Variants in SGCZ observed in about 807,000 individuals in gnomAD.
The protein encoded by SGCZ is zeta-sarcoglycan.
SGCZ carries 40 observed loss-of-function variants against 41.3 expected under a neutral mutation model. The observed-to-expected ratio is 0.97, with a 90% CI of 0.75 to 1.26. The LOEUF is 1.26. Ranked by LOEUF, SGCZ falls within the 50% of genes most tolerant of loss-of-function variation. The pLI is 0.00. For missense variants in SGCZ, 552 were observed against 369.8 expected (o/e 1.49, Z -4.04); for synonymous variants, 206 against 137.5 (o/e 1.50, Z -3.49).
chr8:14,560,168 A>G (rs1157971131), intron 1 of SGCZ, among the ~76,000 whole-genome samples: 1 of 152,078 alleles, frequency 6.6e-6, no homozygotes, highest in Non-Finnish European at 1.5e-5. Flanking sequence ...ATAGTTAACA[A>G]TAATTTATTG....
intron 1 of SGCZ, among the ~76,000 whole-genome samples, chr8:15,051,552 G>C (rs1300729608): frequency 6.6e-5 from 10 of 152,070 alleles, no homozygotes; most frequent in Non-Finnish European, 1.5e-4. Context: ...TGGAGTGCTA[G>C]GGTAGGTGTA....
At chr8:14,793,641 G>T (rs757390195) in intron 1 of SGCZ, among the ~76,000 whole-genome samples, 1 of 152,046 alleles carries the variant, frequency 6.6e-6, no homozygotes, top group African/African-American at 2.4e-5. Flanking sequence ...GTACACCCAG[G>T]AACTTTAGGA....
intron 1 of SGCZ, among the ~76,000 whole-genome samples, chr8:14,895,425 T>C (rs1805161796): frequency 1.3e-5 from 2 of 152,102 alleles, no homozygotes; most frequent in African/African-American, 4.8e-5. Flanking sequence ...TTGGGGGTGA[T>C]ACATAACATT....
chr8:14,107,327 C>G (rs1056224832), intron 6 of SGCZ, among the ~76,000 whole-genome samples: 1 of 151,334 alleles, frequency 6.6e-6, no homozygotes. Flanking sequence ...AATAATTATC[C>G]TGGGAAGAAT....
intron 1 of SGCZ, among the ~76,000 whole-genome samples, chr8:14,892,869 C>T (rs947155756): frequency 6.6e-6 from 1 of 152,104 alleles, no homozygotes; most frequent in African/African-American, 2.4e-5. Context: ...ATCTATCATT[C>T]TATGGTTCTA....
At chr8:14,853,373 A>C in intron 1 of SGCZ, 1 of 482,754 alleles carries the variant, frequency 2.1e-6, no homozygotes, top group Non-Finnish European at 4.5e-6. Flanking sequence ...CACCAAATGC[A>C]GTTCCCTTGG....
intron 1 of SGCZ, among the ~76,000 whole-genome samples, chr8:14,668,267 A>G (rs1807981863): frequency 6.6e-6 from 1 of 152,130 alleles, no homozygotes; most frequent in African/African-American, 2.4e-5. Flanking sequence ...GCCCAGATTT[A>G]TTTTTAAATG....
chr8:14,614,567 G>C lies in SGCZ; in HGVS notation c.40-59641C>G, dbSNP rs186805474. Among the ~76,000 whole-genome samples the C allele has an allele frequency of 7.9e-5, 12 of 152,172 alleles. No individual in the cohort carries two copies. The East Asian group carries it at 2.3e-3, about 29-fold the overall frequency. Reference sequence around the variant, plus strand: ...ATTTAATACTCTCCTTTTGTGAATAGTAGCTTGAACCATCAAAATTCAAAC... The same window carrying C: ...ATTTAATACTCTCCTTTTGTGAATACTAGCTTGAACCATCAAAATTCAAAC... On this transcript the variant is annotated intron_variant, in intron 1 of 7. Coordinates refer to ENST00000382080, the MANE Select transcript of SGCZ (RefSeq NM_139167.4).
At chr8:14,870,830 C>T (rs998573667) in intron 1 of SGCZ, among the ~76,000 whole-genome samples, 2 of 152,090 alleles carry the variant, frequency 1.3e-5, no homozygotes, top group Admixed American at 6.6e-5. Context: ...AAACAAGGCT[C>T]ATCATCACTG....
chr8:14,203,314 G>A (rs1383390166), intron 4 of SGCZ, among the ~76,000 whole-genome samples: 2 of 152,170 alleles, frequency 1.3e-5, no homozygotes, highest in Non-Finnish European at 2.9e-5. Context: ...CGAGAAGAGT[G>A]TAGGAGATCT....
chr8:14,887,087 G>T (rs1804836996), intron 1 of SGCZ, among the ~76,000 whole-genome samples: 1 of 152,148 alleles, frequency 6.6e-6, no homozygotes, highest in South Asian at 2.1e-4. Flanking sequence ...GGAGGGCCAA[G>T]ACTGTATCAT....
intron 1 of SGCZ, among the ~76,000 whole-genome samples, chr8:14,797,461 G>A (rs778654746): frequency 3.9e-5 from 6 of 152,192 alleles, no homozygotes; most frequent in Admixed American, 1.3e-4. Flanking sequence ...CACTGAACTT[G>A]AGAGAGATTA....
intron 2 of SGCZ, among the ~76,000 whole-genome samples, chr8:14,534,452 T>A (rs1479519172): frequency 6.6e-6 from 1 of 152,046 alleles, no homozygotes; most frequent in Non-Finnish European, 1.5e-5. Context: ...CATCTTGCAT[T>A]ATTAACCTTC....
rs1802052304 is a variant in SGCZ at position 14,992,521 on chromosome 8, C to G, written c.39+245064G>C. Among the ~76,000 whole-genome samples, 3 of 149,898 alleles carry G rather than the reference C, an allele frequency of 2.0e-5. No homozygotes were observed. In the South Asian group the frequency reaches 6.4e-4, roughly 32 times the overall value. ...TTACCCTTGCTATTTACCTCTCACC[C>G]TCAACTATTCAACTCCAAAACTAAT... On this transcript the variant is annotated intron_variant, in intron 1 of 7. Coordinates refer to ENST00000382080, the MANE Select transcript of SGCZ (RefSeq NM_139167.4).
chr8:14,248,470 AGTAG>A (rs1799181102), intron 3 of SGCZ, among the ~76,000 whole-genome samples: 1 of 152,142 alleles, frequency 6.6e-6, no homozygotes, highest in Non-Finnish European at 1.5e-5. Context: ...CTAGAAAGTA[AGTAG>A]GGAACTAAGC....
chr8:15,226,002 C>A (rs759712728), intron 1 of SGCZ, among the ~76,000 whole-genome samples: 2 of 152,142 alleles, frequency 1.3e-5, no homozygotes, highest in African/African-American at 4.8e-5. Flanking sequence ...AACAGCTAAA[C>A]GCAGCTATGA....
intron 1 of SGCZ, among the ~76,000 whole-genome samples, chr8:14,693,582 CTTTTTT>C (rs67757752): frequency 3.2e-5 from 2 of 61,554 alleles, no homozygotes; most frequent in African/African-American, 7.3e-5. Flanking sequence ...CCACGACTGG[CTTTTTT>C]TTTTTTTTTT....
chr8:15,124,778 T>G (rs141698886), intron 1 of SGCZ, among the ~76,000 whole-genome samples: 1 of 152,186 alleles, frequency 6.6e-6, no homozygotes, highest in Non-Finnish European at 1.5e-5. Flanking sequence ...ACAACGTGAT[T>G]GCATTTTTGT....
chr8:14,947,710 G>T (rs1167651453), intron 1 of SGCZ, among the ~76,000 whole-genome samples: 1 of 152,160 alleles, frequency 6.6e-6, no homozygotes, highest in African/African-American at 2.4e-5. Flanking sequence ...ACACCTGAAA[G>T]AAAAGCATTA....
Sources: allele counts gnomAD v4.1 joint callset (sites outside exome capture counted in the v4.1 genomes callset), GRCh38; gene constraint gnomAD v4.1.1; transcripts MANE v1.5; gene names NCBI Gene and HGNC (gene_info 2026-07-23, HGNC 2026-07-21).